Variants in SCN1A observed in about 807,000 individuals in gnomAD.
SCN1A encodes the protein sodium voltage-gated channel alpha subunit 1.
Under a neutral mutation model 193.7 loss-of-function variants are expected in SCN1A, and 13 were observed. The observed-to-expected ratio is 0.07, with a 90% CI of 0.04 to 0.11. The LOEUF is 0.11. SCN1A is among the 10% of genes least tolerant of loss of function. SCN1A has a pLI of 1.00. For missense variants in SCN1A, 1,432 were observed against 2,451.1 expected, an observed-to-expected ratio of 0.58 and a Z score of 8.78; for synonymous variants, 781 against 843.6, an observed-to-expected ratio of 0.93 and a Z score of 1.29.
intron 2 of SCN1A, among the ~76,000 whole-genome samples, chr2:166,091,659 C>A (rs1219261924): frequency 3.3e-5 from 5 of 152,216 alleles, no homozygotes; most frequent in Non-Finnish European, 7.3e-5. Flanking sequence ...ATAAGCAAGA[C>A]AAGACCCTTT....
intron 2 of SCN1A, among the ~76,000 whole-genome samples, chr2:166,116,508 G>C (rs1448577416): frequency 6.6e-6 from 1 of 152,008 alleles, no homozygotes; most frequent in Non-Finnish European, 1.5e-5. Context: ...TCAATTATCT[G>C]CATTATAATA....
intron 6 of SCN1A, 48 bp from the exon 7 acceptor site, chr2:166,054,814 A>G (rs762582312): frequency 1.5e-5 from 23 of 1,562,690 alleles, no homozygotes; most frequent in Non-Finnish European, 2.0e-5. Flanking sequence ...GTGTTTTTTC[A>G]TAGCATACCA....
In SCN1A at chr2:166,041,476, T is replaced by TAAC; in HGVS notation, c.2177-8_2177-7insGTT. On this transcript the variant is annotated splice_polypyrimidine_tract_variant and splice_region_variant and intron_variant, in intron 15 of 28. Transcript: ENST00000674923. ...TGCCTGGATTCTTCAAGTTCTAGATTAAGAAAAAAAAAAAAAAGAACCACC... is the reference window on the plus strand; with the variant it reads ...TGCCTGGATTCTTCAAGTTCTAGATTAACAAGAAAAAAAAAAAAAAGAACCACC... The TAAC allele has an allele frequency of 8.1e-7, 1 of 1,233,494 alleles. No individual in the cohort carries two copies. Among genetic ancestry groups the TAAC allele is most frequent in the Non-Finnish European group, 1.1e-6 (1 of 916,408 alleles). 76.4% of individuals were successfully genotyped at this position (1,233,494 alleles called of 1,614,324 possible). A position where few individuals can be genotyped will look rare whatever the true frequency, so the allele number is the denominator to read the frequency against.
chr2:166,100,503 AT>A (rs1687924894), intron 2 of SCN1A, among the ~76,000 whole-genome samples: 1 of 151,758 alleles, frequency 6.6e-6, no homozygotes, highest in South Asian at 2.1e-4. Flanking sequence ...AAAAGACAAA[AT>A]TGACAAATGG....
upstream of SCN1A, among the ~76,000 whole-genome samples, chr2:166,131,521 T>G (rs1285249378): frequency 2.0e-5 from 3 of 152,156 alleles, no homozygotes; most frequent in Non-Finnish European, 4.4e-5. Context: ...ATTTTGGGTA[T>G]TAAAGAGAGC....
intron 22 of SCN1A, among the ~76,000 whole-genome samples, chr2:166,011,276 T>C (rs1295436035): frequency 2.0e-5 from 3 of 151,178 alleles, no homozygotes; most frequent in Non-Finnish European, 4.4e-5. Context: ...TAGTATCTTT[T>C]TGGGGTAAAA....
At chr2:166,134,163 G>T (rs1456481418) in intron 1 of SCN1A, among the ~76,000 whole-genome samples, 1 of 152,120 alleles carries the variant, frequency 6.6e-6, no homozygotes, top group African/African-American at 2.4e-5. Context: ...TTGAGAAATT[G>T]TGGAGCTGGA....
At chr2:166,052,812 C>G in intron 8 of SCN1A, 40 bp downstream of exon 8, 1 of 1,474,898 alleles carries the variant, frequency 6.8e-7, no homozygotes, top group South Asian at 1.1e-5. Flanking sequence ...GATGCTGAAT[C>G]ACATGATGGG....
At position 165,985,916 on chromosome 2, in the gene SCN1A, G is replaced by A. The variant is rs948762621; in HGVS notation, c.*5329C>T. 2 of 152,020 alleles carry A rather than the reference G, an allele frequency of 1.3e-5. No individual in the cohort carries two copies. The highest frequency in any genetic ancestry group is 2.9e-5 in the Non-Finnish European group (2 of 67,988). The allele number at this position is 152,020 out of a possible 1,614,324, so 9.4% of individuals were successfully genotyped here. A position where few individuals can be genotyped will look rare whatever the true frequency, so the allele number is the denominator to read the frequency against. ...CAGACATATTTGCTGTCTTTAGTGC[G>A]ACAAGTTTATATAGTTCGAGTGTCT... On this transcript the variant is annotated 3_prime_UTR_variant, in exon 29 of 29. Coordinates refer to ENST00000674923, the MANE Select transcript of SCN1A (RefSeq NM_001165963.4).
intron 14 of SCN1A, 102 bp from the exon 15 acceptor site, chr2:166,042,526 T>C: frequency 9.6e-6 from 10 of 1,044,068 alleles, no homozygotes; most frequent in East Asian, 2.4e-5. Context: ...ACATGCATCA[T>C]GCACTTTCAT....
chr2:166,068,461 T>A (rs1824549), intron 4 of SCN1A, among the ~76,000 whole-genome samples: 2 of 151,888 alleles, frequency 1.3e-5, no homozygotes, highest in African/African-American at 4.8e-5. Flanking sequence ...TGGGTGACTT[T>A]TAGTTTTACA....
At chr2:166,118,472 TA>T (rs2106233104) in intron 2 of SCN1A, among the ~76,000 whole-genome samples, 1 of 151,926 alleles carries the variant, frequency 6.6e-6, no homozygotes, top group South Asian at 2.1e-4. Flanking sequence ...TTAAAGGCCT[TA>T]AATATTATTG....
At chr2:166,061,248 G>A (rs912484354) in intron 4 of SCN1A, among the ~76,000 whole-genome samples, 1 of 152,142 alleles carries the variant, frequency 6.6e-6, no homozygotes, top group Non-Finnish European at 1.5e-5. Flanking sequence ...GACAGACAAG[G>A]AGTGGTAAAG....
At position 166,039,464 on chromosome 2, in the gene SCN1A, C is replaced by T. The variant is rs757616558; in HGVS notation, c.2548G>A (p.Ala850Thr). 5 of 1,612,110 alleles carry T rather than the reference C, an allele frequency of 3.1e-6. No individual in the cohort carries two copies. Among genetic ancestry groups the T allele is most frequent in the South Asian group, 1.1e-5 (1 of 91,012 alleles). ...AGAACAGATAATCCTTCCACATTGG[C>T]GAGTCCAAGTTCTACCAGGCTAAGC... is the stretch of plus-strand genomic sequence containing the variant. ...VTLSLVELGL[A>T]NVEGLSVLRS... The change falls in exon 17 of 29, where the codon GCC becomes ACC. Residue 850 changes from alanine to threonine, a missense_variant. Around this residue, in one of 18 missense-constraint regions of SCN1A, gnomAD observed 93 missense variants for 260.4 expected, o/e 0.36. Transcript: ENST00000674923.
At chr2:166,103,405 C>T (rs1188932561) in intron 2 of SCN1A, among the ~76,000 whole-genome samples, 4 of 151,454 alleles carry the variant, frequency 2.6e-5, no homozygotes, top group African/African-American at 4.9e-5. Context: ...GAGCCGAGTT[C>T]GCACCGCTGC....
intron 2 of SCN1A, among the ~76,000 whole-genome samples, chr2:166,114,657 C>A (rs1285464993): frequency 1.3e-5 from 2 of 152,042 alleles, no homozygotes; most frequent in Non-Finnish European, 2.9e-5. Flanking sequence ...TTTAAATTTA[C>A]TTCAAAAGTA....
intron 24 of SCN1A, among the ~76,000 whole-genome samples, chr2:166,001,360 GAA>G (rs1690806527): frequency 6.6e-6 from 1 of 151,292 alleles, no homozygotes; most frequent in African/African-American, 2.4e-5. Context: ...AAAATGTTAA[GAA>G]GAGAAATAAG....
chr2:166,061,090 T>C (rs1683258468), intron 4 of SCN1A, among the ~76,000 whole-genome samples: 1 of 152,158 alleles, frequency 6.6e-6, no homozygotes, highest in Non-Finnish European at 1.5e-5. Flanking sequence ...AAGATGGTAC[T>C]GTTTGTACCT....
At chr2:165,994,012 A>C in intron 28 of SCN1A, 134 bp downstream of exon 28, 2 of 762,714 alleles carry the variant, frequency 2.6e-6, no homozygotes, top group Non-Finnish European at 4.2e-6. Context: ...AAAAAAACAA[A>C]CACACTTGGA....
Sources: allele counts gnomAD v4.1 joint callset (sites outside exome capture counted in the v4.1 genomes callset), GRCh38; gene constraint gnomAD v4.1.1; regional missense constraint gnomAD v4.1.1; transcripts MANE v1.5; gene names NCBI Gene and HGNC (gene_info 2026-07-23, HGNC 2026-07-21).